CRYL1: variants seen among roughly 807,000 people sequenced by gnomAD.
CRYL1 encodes the protein crystallin lambda 1, also known as lambda-crystallin homolog.
In CRYL1, 29 loss-of-function variants were observed where a neutral mutation model predicts 36.6. The observed-to-expected ratio is 0.79, with a 90% confidence interval of 0.59 to 1.08. The LOEUF is 1.08. CRYL1 is among the 50% of genes least tolerant of loss of function. The probability of loss-of-function intolerance (pLI) is 0.00; values close to 1 mark genes in which losing one functional copy is unlikely to be tolerated. For synonymous variants in CRYL1, 152 were observed against 151.5 expected, an observed-to-expected ratio of 1.00 and a Z score of -0.02; for missense variants, 411 against 407.9, an observed-to-expected ratio of 1.01 and a Z score of -0.06.
chr13:20,490,435 CA>C (rs2033487694), intron 2 of CRYL1, among the ~76,000 whole-genome samples: 1 of 151,978 alleles, frequency 6.6e-6, no homozygotes, highest in Non-Finnish European at 1.5e-5. Flanking sequence ...TGGTAGCTGC[CA>C]GGGGCTGGAG....
intron 2 of CRYL1, among the ~76,000 whole-genome samples, chr13:20,491,778 G>A (rs939192985): frequency 6.6e-5 from 10 of 152,144 alleles, no homozygotes; most frequent in African/African-American, 1.9e-4. Flanking sequence ...ATGACAGAGC[G>A]AGACCCTGTC....
chr13:20,509,833 G>A (rs1054813675), intron 2 of CRYL1, among the ~76,000 whole-genome samples: 1 of 152,234 alleles, frequency 6.6e-6, no homozygotes, highest in Non-Finnish European at 1.5e-5. Flanking sequence ...GGGAGGCTGA[G>A]GCAGGAGAAT....
At chr13:20,433,794 G>A (rs1291563834) in intron 4 of CRYL1, 1 of 154,384 alleles carries the variant, frequency 6.5e-6, no homozygotes, top group Non-Finnish European at 1.5e-5. Context: ...ACTGAGACAA[G>A]GAGTTAGAAA....
In CRYL1 at chr13:20,469,587, G is replaced by T. The variant is rs531947055; in HGVS notation, c.276+19783C>A. ...GGGGTTCAATTAACTCAGTGGCTGG[G>T]ACTTTTCCTTCCTCTAGAATTCTCT... On this transcript the variant is annotated intron_variant, in intron 3 of 7. Coordinates refer to ENST00000298248, the MANE Select transcript of CRYL1 (RefSeq NM_015974.3). 2.1e-4 allele frequency among the ~76,000 whole-genome samples: 32 copies of T among 152,338 alleles called. No individual in the cohort carries two copies. The South Asian group carries it at 2.9e-3, about 14-fold the overall frequency.
intron 3 of CRYL1, among the ~76,000 whole-genome samples, chr13:20,487,918 A>G (rs929856001): frequency 2.6e-5 from 4 of 152,176 alleles, no homozygotes; most frequent in African/African-American, 9.6e-5. Flanking sequence ...CCTGGCTAAC[A>G]TGGTGAAACC....
chr13:20,444,550 C>T (rs2032416355), intron 3 of CRYL1, among the ~76,000 whole-genome samples: 1 of 152,194 alleles, frequency 6.6e-6, no homozygotes, highest in Non-Finnish European at 1.5e-5. Flanking sequence ...TCCGTCCCAT[C>T]CTCATTCCAA....
intron 5 of CRYL1, among the ~76,000 whole-genome samples, chr13:20,423,586 T>A (rs1351960603): frequency 6.6e-6 from 1 of 152,162 alleles, no homozygotes; most frequent in African/African-American, 2.4e-5. Flanking sequence ...TGGTAAAGTA[T>A]CTCTGCACCC....
At chr13:20,408,139 C>T (rs2031424089) in intron 6 of CRYL1, among the ~76,000 whole-genome samples, 1 of 152,180 alleles carries the variant, frequency 6.6e-6, no homozygotes, top group Admixed American at 6.5e-5. Context: ...TTATCTCATT[C>T]CTACTCTCAG....
At chr13:20,423,839 T>C (rs6490570) in intron 5 of CRYL1, among the ~76,000 whole-genome samples, 141,826 of 145,554 alleles carry the variant, frequency 0.97, 69,208 homozygotes, top group East Asian at 1. Flanking sequence ...GGTGTGATCT[T>C]GGCTCACTGC....
At chr13:20,510,881 T>C (rs907973181) in intron 2 of CRYL1, among the ~76,000 whole-genome samples, 2 of 151,864 alleles carry the variant, frequency 1.3e-5, no homozygotes, top group Non-Finnish European at 2.9e-5. Flanking sequence ...TTTAATACAG[T>C]AAGATTACTA....
chr13:20,463,104 G>A (rs1015683610), intron 3 of CRYL1, among the ~76,000 whole-genome samples: 3 of 152,306 alleles, frequency 2.0e-5, no homozygotes, highest in African/African-American at 7.2e-5. Flanking sequence ...CAGTGTGGAC[G>A]CCTGCTGGCC....
intron 3 of CRYL1, among the ~76,000 whole-genome samples, chr13:20,458,159 A>C (rs1485613411): frequency 1.3e-5 from 2 of 152,232 alleles, no homozygotes; most frequent in African/African-American, 4.8e-5. Context: ...TGAAATTGGA[A>C]GATGTCTTAC....
intron 2 of CRYL1, among the ~76,000 whole-genome samples, chr13:20,502,102 A>G (rs2033713356): frequency 6.6e-6 from 1 of 152,160 alleles, no homozygotes; most frequent in African/African-American, 2.4e-5. Flanking sequence ...AAAATCTGGC[A>G]TGCCTATCTC....
At chr13:20,413,899 G>A (rs1416385803) in intron 5 of CRYL1, among the ~76,000 whole-genome samples, 1 of 152,118 alleles carries the variant, frequency 6.6e-6, no homozygotes. Context: ...AAATGGCTTG[G>A]CGTGGTGGCT....
intron 5 of CRYL1, chr13:20,431,431 G>C: frequency 1.0e-6 from 1 of 985,372 alleles, no homozygotes; most frequent in Non-Finnish European, 1.2e-6. Context: ...AAGGGAGGCC[G>C]GACAGTTCCA....
Position 20,432,107 on chromosome 13 carries a change from C to G in CRYL1, c.628G>C (p.Val210Leu), listed in dbSNP as rs1383972022. ...GAGAGGACGGGCACACACACCTCCA[C>G]TAGCCGCCAGGCCTCGCTGATGATT... ...YAIISEAWRL[V>L]EEGIVSPSDL... The change falls in exon 5 of 8, where the codon GTG (valine) becomes CTG (leucine). Residue 210 changes from valine to leucine, a missense_variant. Val to Leu is a conservative substitution (Grantham distance 32, BLOSUM62 1). Coordinates refer to ENST00000298248, the MANE Select transcript of CRYL1 (RefSeq NM_015974.3). The G allele has an allele frequency of 1.2e-6, 2 of 1,614,124 alleles. No individual in the cohort carries two copies. Among genetic ancestry groups the G allele is most frequent in the Non-Finnish European group, 1.7e-6 (2 of 1,180,006 alleles).
In CRYL1 at chr13:20,512,525, T is replaced by C. The variant is rs1565989979; in HGVS notation, c.67A>G (p.Met23Val). 6 of 1,614,034 alleles carry C rather than the reference T, an allele frequency of 3.7e-6. No individual in the cohort carries two copies. The highest frequency in any genetic ancestry group is 5.1e-6 in the Non-Finnish European group (6 of 1,179,922). ...GSGVIGRSWAMLFASGGFQVK... is the reference protein window; with the variant it reads ...GSGVIGRSWAVLFASGGFQVK... ...TGGAAGCCTCCACTGGCAAACAGCA[T>C]GGCCCAGCTTCGCCCAATGACTCCA... is the stretch of plus-strand genomic sequence containing the variant. The change falls in exon 2 of 8, where the codon ATG becomes GTG. Residue 23 changes from methionine (M) to valine (V), a missense_variant. Coordinates refer to ENST00000298248, the MANE Select transcript of CRYL1 (RefSeq NM_015974.3).
intron 5 of CRYL1, among the ~76,000 whole-genome samples, chr13:20,421,740 C>T (rs1327770459): frequency 6.6e-6 from 1 of 152,054 alleles, no homozygotes; most frequent in Non-Finnish European, 1.5e-5. Context: ...TGCTCAAGCA[C>T]CTATTGGTAA....
intron 5 of CRYL1, among the ~76,000 whole-genome samples, chr13:20,420,463 G>C (rs1162585697): frequency 2.0e-5 from 3 of 151,312 alleles, no homozygotes; most frequent in Admixed American, 6.6e-5. Context: ...TATGTGCATA[G>C]AGGCTCACTG....
Sources: gnomAD v4.1 joint callset for allele counts (sites outside exome capture counted in the v4.1 genomes callset) on GRCh38, gnomAD v4.1.1 for gene constraint, MANE v1.5 for transcripts, NCBI Gene and HGNC (gene_info 2026-07-23, HGNC 2026-07-21) for gene names.